Variants in TTC23L observed in about 807,000 individuals in gnomAD.
TTC23L encodes the protein tetratricopeptide repeat domain 23 like, also known as tetratricopeptide repeat protein 23-like.
Under a neutral mutation model 48.1 loss-of-function variants are expected in TTC23L, and 42 were observed. The observed-to-expected ratio is 0.87, with a 90% confidence interval of 0.68 to 1.13. TTC23L has a LOEUF of 1.13. TTC23L is among the 50% of genes most tolerant of loss of function. The pLI, the probability that TTC23L is intolerant of heterozygous loss-of-function variation, is 0.00. For synonymous variants in TTC23L, 159 were observed against 157.2 expected (o/e 1.01, Z -0.09); for missense variants, 391 against 421.0 (o/e 0.93, Z 0.62).
At chr5:34,886,188 T>C (rs1384016877) in intron 9 of TTC23L, among the ~76,000 whole-genome samples, 1 of 152,106 alleles carries the variant, frequency 6.6e-6, no homozygotes. Flanking sequence ...TAGTATTATA[T>C]GAATTAACTA....
intron 8 of TTC23L, among the ~76,000 whole-genome samples, chr5:34,876,621 C>G (rs1186212844): frequency 6.6e-6 from 1 of 150,738 alleles, no homozygotes; most frequent in Non-Finnish European, 1.5e-5. Context: ...TAATTAATAA[C>G]CATCCCATGT....
Position 34,888,514 on chromosome 5 carries a change from G to C in TTC23L, c.1077+8206G>C, listed in dbSNP as rs1762669772. 5.1e-6 allele frequency: 5 copies of C among 985,238 alleles called. No homozygotes were observed. The South Asian group carries it at 2.3e-4, about 46-fold the overall frequency. 61.0% of individuals were successfully genotyped at this position (985,238 alleles called of 1,614,324 possible). ...AACACAGTAGAAGTAGGGAGACAAA[G>C]AGCCTCCTTACCCTGTGGCAGAGGT... On this transcript the variant is annotated intron_variant, in intron 9 of 10. Coordinates refer to ENST00000505624, the Ensembl canonical transcript of TTC23L.
the TTC23L span, among the ~76,000 whole-genome samples, chr5:34,910,894 G>A: frequency 6.6e-6 from 1 of 152,186 alleles, no homozygotes; most frequent in African/African-American, 2.4e-5. Flanking sequence ...AAAGAGACTT[G>A]TGTTAAACTA....
chr5:34,877,701 G>A (rs1761955187), intron 8 of TTC23L, among the ~76,000 whole-genome samples: 1 of 152,140 alleles, frequency 6.6e-6, no homozygotes, highest in Non-Finnish European at 1.5e-5. Context: ...TGGGATAACA[G>A]GTGTGATCCA....
intron 2 of TTC23L, among the ~76,000 whole-genome samples, chr5:34,841,587 G>C (rs943689843): frequency 6.6e-6 from 1 of 152,128 alleles, no homozygotes; most frequent in Admixed American, 6.5e-5. Flanking sequence ...GTGCAATCAC[G>C]GCTCACTGCA....
intron 7 of TTC23L, 120 bp downstream of exon 7, chr5:34,867,189 C>A: frequency 9.3e-7 from 1 of 1,069,968 alleles, no homozygotes; most frequent in Non-Finnish European, 1.4e-6. Context: ...TCTGTTTTAA[C>A]CCTGACTTTC....
At chr5:34,869,266 C>T in intron 8 of TTC23L, 1 of 403,938 alleles carries the variant, frequency 2.5e-6, no homozygotes, top group Non-Finnish European at 4.7e-6. Flanking sequence ...CAGTGAGATT[C>T]ACCTTCTTAA....
chr5:34,915,811 G>C, the TTC23L span: 2 of 1,582,160 alleles, frequency 1.3e-6, no homozygotes, highest in Non-Finnish European at 1.7e-6. Context: ...AAACGAAATA[G>C]ATGCGGAGCC....
downstream of TTC23L, chr5:34,902,422 T>C (rs978311023): frequency 1.8e-5 from 7 of 392,792 alleles, no homozygotes; most frequent in Admixed American, 1.8e-4. Context: ...CTCTAAAAAA[T>C]AAATTAATAA....
chr5:34,849,707 T>A (rs1052485315), intron 3 of TTC23L, among the ~76,000 whole-genome samples: 1 of 152,216 alleles, frequency 6.6e-6, no homozygotes, highest in African/African-American at 2.4e-5. Context: ...CAATGGAATG[T>A]CTGATTTGCT....
chr5:34,911,889 AT>A, the TTC23L span: 3 of 1,493,626 alleles, frequency 2.0e-6, no homozygotes, highest in Non-Finnish European at 2.7e-6. Context: ...GATACATAAA[AT>A]TTCTCAAGAA....
the TTC23L span, chr5:34,909,235 C>T: frequency 6.7e-7 from 1 of 1,502,870 alleles, no homozygotes; most frequent in South Asian, 1.2e-5. Flanking sequence ...TCACCAATGA[C>T]AACCTCTATA....
the TTC23L span, among the ~76,000 whole-genome samples, chr5:34,909,910 A>G: frequency 6.6e-6 from 1 of 152,340 alleles, no homozygotes; most frequent in South Asian, 2.1e-4. Context: ...GCTAAGTATT[A>G]TATGAGCATG....
At chr5:34,878,246 G>A (rs1761993768) in intron 8 of TTC23L, among the ~76,000 whole-genome samples, 1 of 152,154 alleles carries the variant, frequency 6.6e-6, no homozygotes, top group Non-Finnish European at 1.5e-5. Flanking sequence ...TGTTCCTGTA[G>A]TCCTAGCTAC....
intron 2 of TTC23L, 111 bp downstream of exon 2, chr5:34,840,850 C>T (rs2150335686): frequency 1.0e-6 from 1 of 976,788 alleles, no homozygotes; most frequent in Middle Eastern, 2.1e-4. Flanking sequence ...CGTTCACGAC[C>T]AGCCTGACCA....
chr5:34,880,338 G>A, intron 9 of TTC23L, 30 bp downstream of exon 9: 1 of 1,583,532 alleles, frequency 6.3e-7, no homozygotes, highest in Non-Finnish European at 8.6e-7. Context: ...AAACAGAATT[G>A]CTAGTTTGTT....
At position 34,863,752 on chromosome 5, in the gene TTC23L, C is replaced by T. The variant is rs1760849201; in HGVS notation, c.537-685C>T. On this transcript the variant is annotated intron_variant, in intron 5 of 10. Coordinates refer to ENST00000505624, the Ensembl canonical transcript of TTC23L. The surrounding 1 kb of genome is among the most constrained non-coding windows in gnomAD (Gnocchi z 4.1). Reference sequence around the variant, plus strand: ...TCCTCAGAACTGGGGATTCTGACAGCCTGTTGTACCATCTCCACTGGAAAG... The same window carrying T: ...TCCTCAGAACTGGGGATTCTGACAGTCTGTTGTACCATCTCCACTGGAAAG... Among the ~76,000 whole-genome samples, 1 of 152,170 alleles carries T rather than the reference C, an allele frequency of 6.6e-6. No individual in the cohort carries two copies. The highest frequency in any genetic ancestry group is 2.4e-5 in the African/African-American group (1 of 41,420).
intron 8 of TTC23L, among the ~76,000 whole-genome samples, chr5:34,870,491 AG>A (rs1761378622): frequency 6.6e-6 from 1 of 152,218 alleles, no homozygotes; most frequent in South Asian, 2.1e-4. Context: ...AGAAATCTCC[AG>A]GCCCAGATGA....
At chr5:34,884,369 A>G (rs1762418247) in intron 9 of TTC23L, among the ~76,000 whole-genome samples, 1 of 152,240 alleles carries the variant, frequency 6.6e-6, no homozygotes, top group African/African-American at 2.4e-5. Context: ...AAGGATGCCC[A>G]CTTTTGCCAC....
Sources: allele counts gnomAD v4.1 joint callset (sites outside exome capture counted in the v4.1 genomes callset), GRCh38; gene constraint gnomAD v4.1.1; non-coding constraint Gnocchi (gnomAD v3.1); transcripts MANE v1.5; gene names NCBI Gene and HGNC (gene_info 2026-07-23, HGNC 2026-07-21).